Variants in FNIP1 observed in about 807,000 individuals in gnomAD.
FNIP1 encodes the protein folliculin interacting protein 1.
A neutral mutation model predicts 124.5 loss-of-function variants in FNIP1; 40 were observed. The observed-to-expected ratio is 0.32, with a 90% CI of 0.25 to 0.42. The LOEUF (loss-of-function observed/expected upper bound fraction) is 0.42, where lower values mean the gene tolerates loss of function less well. Among genes scored for constraint, FNIP1 ranks in the 10% least tolerant of loss-of-function variants. The pLI is 1.00. For missense variants in FNIP1, 1,176 were observed against 1,403.7 expected, an observed-to-expected ratio of 0.84 and a Z score of 2.59; for synonymous variants, 472 against 470.6, an observed-to-expected ratio of 1.00 and a Z score of -0.04.
intron 1 of FNIP1, among the ~76,000 whole-genome samples, chr5:131,751,771 G>C (rs181165173): frequency 2.0e-5 from 3 of 152,280 alleles, no homozygotes; most frequent in East Asian, 3.9e-4. Flanking sequence ...GGCTACGTAT[G>C]ATGATTCCAT....
At chr5:131,740,347 A>G (rs1043496879) in intron 2 of FNIP1, among the ~76,000 whole-genome samples, 4 of 152,226 alleles carry the variant, frequency 2.6e-5, no homozygotes, top group Non-Finnish European at 5.9e-5. Flanking sequence ...TATCATAAAT[A>G]AGACTCAACT....
At chr5:131,796,706 G>C (rs556902971) in intron 1 of FNIP1, 124 bp downstream of exon 1, 1 of 866,370 alleles carries the variant, frequency 1.2e-6, no homozygotes, top group Non-Finnish European at 1.7e-6. Flanking sequence ...ACCCCACCGA[G>C]GACCAGATGC....
rs745531364 is a variant in FNIP1 at position 131,672,035 on chromosome 5, G to A, written c.2409C>T (p.Asp803=). The A allele has an allele frequency of 1.3e-5, 21 of 1,614,118 alleles. No individual in the cohort carries two copies. The South Asian group carries it at 2.0e-4, about 15-fold the overall frequency. Residue 803 remains aspartate (D), a synonymous_variant, in exon 14 of 18, where the codon GAC becomes GAT. Coordinates refer to ENST00000510461, the MANE Select transcript of FNIP1 (RefSeq NM_133372.3). ...QHQETKQTTK[D]QSGESDTQNM... ...TCTGTGTATCAGACTCTCCAGATTG[G>A]TCCTTGGTTGTTTGTTTAGTTTCTT...
intron 1 of FNIP1, among the ~76,000 whole-genome samples, chr5:131,795,077 A>G (rs1772537484): frequency 6.6e-6 from 1 of 152,264 alleles, no homozygotes; most frequent in Admixed American, 6.5e-5. Flanking sequence ...GACATTAACC[A>G]GAATGGTTTT....
At chr5:131,736,807 G>C in intron 2 of FNIP1, among the ~76,000 whole-genome samples, 1 of 152,138 alleles carries the variant, frequency 6.6e-6, no homozygotes, top group East Asian at 1.9e-4. Context: ...ATGATTTCCT[G>C]AATTTTTGCT....
At chr5:131,761,892 A>G (rs1771244049) in intron 1 of FNIP1, among the ~76,000 whole-genome samples, 1 of 152,222 alleles carries the variant, frequency 6.6e-6, no homozygotes, top group Admixed American at 6.5e-5. Context: ...CCAAATCAGC[A>G]TGATACTGGT....
chr5:131,718,439 C>T (rs1484989777), intron 5 of FNIP1, among the ~76,000 whole-genome samples: 1 of 152,192 alleles, frequency 6.6e-6, no homozygotes, highest in Non-Finnish European at 1.5e-5. Context: ...GGGTCTTCCA[C>T]TGCCTAACTT....
Position 131,750,138 on chromosome 5 carries a change from G to A in FNIP1, c.93-5448C>T, listed in dbSNP as rs1291434508. Among the ~76,000 whole-genome samples, 4 of 152,266 alleles carry A rather than the reference G, an allele frequency of 2.6e-5. No homozygotes were observed. In the East Asian group the frequency reaches 5.8e-4, roughly 22 times the overall value. On this transcript the variant is annotated intron_variant, in intron 1 of 17. Coordinates refer to ENST00000510461, the MANE Select transcript of FNIP1 (RefSeq NM_133372.3). ...TTGAATTTGGATCAGACTGTGCCAAGGTAAGGGTTTTGATAGGTATACGGA... is the reference window on the plus strand; with the variant it reads ...TTGAATTTGGATCAGACTGTGCCAAAGTAAGGGTTTTGATAGGTATACGGA...
intron 1 of FNIP1, among the ~76,000 whole-genome samples, chr5:131,747,672 C>T (rs1226108560): frequency 6.6e-6 from 1 of 152,002 alleles, no homozygotes; most frequent in African/African-American, 2.4e-5. Context: ...ATAGCAAGGA[C>T]AGTTCTAAGG....
At chr5:131,681,079 C>T (rs1430727564) in intron 11 of FNIP1, among the ~76,000 whole-genome samples, 2 of 152,170 alleles carry the variant, frequency 1.3e-5, no homozygotes, top group Non-Finnish European at 2.9e-5. Flanking sequence ...ACCTCCTCTC[C>T]ACTTCCCCAG....
intron 1 of FNIP1, among the ~76,000 whole-genome samples, chr5:131,786,312 A>G (rs1451551363): frequency 1.5e-4 from 23 of 152,242 alleles, no homozygotes; most frequent in Admixed American, 1.5e-3. Flanking sequence ...AGAACTTACA[A>G]TCTAGTGAAG....
Position 131,672,369 on chromosome 5 carries a change from C to T in FNIP1, c.2075G>A (p.Cys692Tyr). ...VCTGSVPVDKCALSESGLEST... is the reference protein window; with the variant it reads ...VCTGSVPVDKYALSESGLEST... ...CTCTAAGCCTGACTCTGACAATGCA[C>T]ATTTGTCTACTGGAACAGATCCTGT... is the stretch of plus-strand genomic sequence containing the variant. The change falls in exon 14 of 18, where the codon TGT (cysteine) becomes TAT (tyrosine). Residue 692 changes from cysteine to tyrosine, a missense_variant. This residue lies in a region of FNIP1 where 1,109 missense variants were observed against 1,288.5 expected (regional missense o/e 0.86). Coordinates refer to ENST00000510461, the MANE Select transcript of FNIP1 (RefSeq NM_133372.3). The T allele has an allele frequency of 3.1e-6, 5 of 1,614,198 alleles. No homozygotes were observed. Among genetic ancestry groups the T allele is most frequent in the Non-Finnish European group, 4.2e-6 (5 of 1,180,030 alleles).
Position 131,679,074 on chromosome 5 carries a change from A to C in FNIP1, c.1304T>G (p.Phe435Cys). 1 of 1,612,836 alleles carries C rather than the reference A, an allele frequency of 6.2e-7. No homozygotes were observed. Among genetic ancestry groups the C allele is most frequent in the Non-Finnish European group, 8.5e-7 (1 of 1,179,482 alleles). ...CATTAGAAAGGTGAACTCCTTCATG[A>C]AACGATAGCAAAGGTGGTTCTTTTC... ...TPEKNHLCYR[F>C]MKEFTFLMEN... Residue 435 changes from phenylalanine (F) to cysteine (C), a missense_variant, in exon 12 of 18, where the codon TTC (phenylalanine) becomes TGC (cysteine). Around this residue, in one of 2 missense-constraint regions of FNIP1, gnomAD observed 1,109 missense variants for 1,288.5 expected, o/e 0.86. Coordinates refer to ENST00000510461, the MANE Select transcript of FNIP1 (RefSeq NM_133372.3).
At chr5:131,757,543 G>T (rs1021132586) in intron 1 of FNIP1, among the ~76,000 whole-genome samples, 3 of 151,936 alleles carry the variant, frequency 2.0e-5, no homozygotes, top group Non-Finnish European at 4.4e-5. Context: ...TAGTGACAGG[G>T]CCAAGTTACT....
chr5:131,673,022 G>A, intron 13 of FNIP1, 98 bp from the exon 14 acceptor site: 2 of 812,766 alleles, frequency 2.5e-6, no homozygotes, highest in Non-Finnish European at 3.7e-6. Context: ...TACTGTATGA[G>A]TAATAGTTTA....
At position 131,644,220 on chromosome 5, in the gene FNIP1, T is replaced by C. The variant is rs1326685017; in HGVS notation, c.*465A>G. ...CTTACTTTGAGAAATAACCAGACAT[T>C]AGCTGTTTTGAATTGCAAAACTAAC... On this transcript the variant is annotated 3_prime_UTR_variant, in exon 18 of 18. Coordinates refer to ENST00000510461, the MANE Select transcript of FNIP1 (RefSeq NM_133372.3). The C allele has an allele frequency of 1.3e-5, 2 of 152,640 alleles. No homozygotes were observed. The highest frequency in any genetic ancestry group is 2.4e-5 in the African/African-American group (1 of 41,448). The allele number at this position is 152,640 out of a possible 1,614,324, so 9.5% of individuals were successfully genotyped here.
Position 131,679,061 on chromosome 5 carries a change from G to C in FNIP1, c.1317C>G (p.Phe439Leu). 6.2e-7 allele frequency: 1 copy of C among 1,611,514 alleles called. No homozygotes were observed. The highest frequency in any genetic ancestry group is 1.3e-5 in the African/African-American group (1 of 74,912). The change falls in exon 12 of 18, where the codon TTC becomes TTG. Residue 439 changes from phenylalanine to leucine, a missense_variant. Coordinates refer to ENST00000510461, the MANE Select transcript of FNIP1 (RefSeq NM_133372.3). ...NHLCYRFMKE[F>L]TFLMENASKN... ...TGGAAGCATTTTCCATTAGAAAGGTGAACTCCTTCATGAAACGATAGCAAA... is the reference window on the plus strand; with the variant it reads ...TGGAAGCATTTTCCATTAGAAAGGTCAACTCCTTCATGAAACGATAGCAAA...
chr5:131,736,485 C>T (rs1770309195), intron 2 of FNIP1, among the ~76,000 whole-genome samples: 1 of 152,192 alleles, frequency 6.6e-6, no homozygotes. Flanking sequence ...CGTTCTAAGC[C>T]AGAGGGTGGC....
At chr5:131,741,440 T>A (rs536958911) in intron 2 of FNIP1, among the ~76,000 whole-genome samples, 61 of 152,276 alleles carry the variant, frequency 4.0e-4, no homozygotes, top group African/African-American at 1.4e-3. Flanking sequence ...TGTATAGAAT[T>A]TAAAATGTAA....
Sources: allele counts gnomAD v4.1 joint callset (sites outside exome capture counted in the v4.1 genomes callset), GRCh38; gene constraint gnomAD v4.1.1; regional missense constraint gnomAD v4.1.1; transcripts MANE v1.5; gene names NCBI Gene and HGNC (gene_info 2026-07-23, HGNC 2026-07-21).